Variants in MYPN observed in about 807,000 individuals in gnomAD.
MYPN encodes the protein myopalladin.
In MYPN, 63 loss-of-function variants were observed where a neutral mutation model predicts 129.4. The observed-to-expected ratio is 0.49, with a 90% CI of 0.40 to 0.60. The LOEUF is 0.60. Ranked by LOEUF, MYPN falls within the 20% of genes least tolerant of loss-of-function variation. The pLI is 0.00. For missense variants in MYPN, 1,596 were observed against 1,635.4 expected, an observed-to-expected ratio of 0.98 and a Z score of 0.42; for synonymous variants, 629 against 600.9, an observed-to-expected ratio of 1.05 and a Z score of -0.68.
chr10:68,148,331 C>A, intron 4 of MYPN, 22 bp from the exon 5 acceptor site: 1 of 1,555,604 alleles, frequency 6.4e-7, no homozygotes, highest in Non-Finnish European at 8.9e-7. Flanking sequence ...ATTTTATAAT[C>A]TATATTTTAA....
At chr10:68,126,032 A>G (rs1403940779) in intron 2 of MYPN, among the ~76,000 whole-genome samples, 1 of 152,146 alleles carries the variant, frequency 6.6e-6, no homozygotes, top group African/African-American at 2.4e-5. Flanking sequence ...CTTGGCCTGG[A>G]GTGCATGATA....
At chr10:68,161,589 T>G (rs990069371) in intron 7 of MYPN, 140 bp from the exon 8 acceptor site, 1 of 665,582 alleles carries the variant, frequency 1.5e-6, no homozygotes. Flanking sequence ...TGAGATCATC[T>G]TACTTAATAT....
chr10:68,194,056 A>C (rs1019156241), intron 13 of MYPN, among the ~76,000 whole-genome samples: 8 of 152,172 alleles, frequency 5.3e-5, no homozygotes, highest in Non-Finnish European at 1.2e-4. Context: ...TCCAGTCCTT[A>C]GGGTGGCTTT....
At chr10:68,146,945 T>C (rs2042676526) in intron 4 of MYPN, among the ~76,000 whole-genome samples, 1 of 152,190 alleles carries the variant, frequency 6.6e-6, no homozygotes, top group Non-Finnish European at 1.5e-5. Flanking sequence ...ACGGATTGGC[T>C]TTGCATTAGC....
At chr10:68,195,151 C>T (rs1006821888) in intron 14 of MYPN, among the ~76,000 whole-genome samples, 1 of 152,144 alleles carries the variant, frequency 6.6e-6, no homozygotes, top group Non-Finnish European at 1.5e-5. Flanking sequence ...TTTGGCCATG[C>T]TTTCTAAATT....
In MYPN at chr10:68,211,496, A is replaced by C; in HGVS notation, c.*1041A>C. Reference sequence around the variant, plus strand: ...AATAGCTTTGAAATGCTTTGAGATCATTGGTCAAATTGCATTTTCTATGTA... The same window carrying C: ...AATAGCTTTGAAATGCTTTGAGATCCTTGGTCAAATTGCATTTTCTATGTA... On this transcript the variant is annotated 3_prime_UTR_variant, in exon 20 of 20. Transcript: ENST00000358913. 2.2e-6 allele frequency: 1 copy of C among 454,032 alleles called. No individual in the cohort carries two copies. The highest frequency in any genetic ancestry group is 2.4e-5 in the Admixed American group (1 of 42,550). 28.1% of individuals were successfully genotyped at this position (454,032 alleles called of 1,614,324 possible). A position where few individuals can be genotyped will look rare whatever the true frequency, so the allele number is the denominator to read the frequency against.
intron 3 of MYPN, among the ~76,000 whole-genome samples, chr10:68,144,099 G>T (rs2042622967): frequency 6.6e-6 from 1 of 152,144 alleles, no homozygotes; most frequent in African/African-American, 2.4e-5. Context: ...AAAATATACT[G>T]CAGGGAGTCA....
intron 3 of MYPN, 63 bp downstream of exon 3, chr10:68,143,178 A>G (rs1379060217): frequency 1.3e-6 from 2 of 1,481,876 alleles, no homozygotes; most frequent in Non-Finnish European, 9.3e-7. Context: ...TAATAAATAA[A>G]TATTTATTGA....
At chr10:68,145,056 C>A (rs1264054362) in intron 3 of MYPN, among the ~76,000 whole-genome samples, 1 of 147,816 alleles carries the variant, frequency 6.8e-6, no homozygotes, top group Non-Finnish European at 1.5e-5. Context: ...CGGAGTTTTG[C>A]TTTTGTTGCC....
intron 1 of MYPN, among the ~76,000 whole-genome samples, chr10:68,099,072 C>T (rs1454465884): frequency 6.6e-6 from 1 of 151,966 alleles, no homozygotes; most frequent in African/African-American, 2.4e-5. Context: ...AATCTATAAC[C>T]ACCTTTTAAT....
chr10:68,177,116 T>C (rs1225207434), intron 12 of MYPN, among the ~76,000 whole-genome samples: 1 of 152,218 alleles, frequency 6.6e-6, no homozygotes, highest in Non-Finnish European at 1.5e-5. Context: ...AGATCCAGGA[T>C]ACCCCATTGC....
rs1463632812 is a variant in MYPN at position 68,210,396 on chromosome 10, G to T, written c.3904G>T (p.Glu1302Ter). 2 of 1,614,158 alleles carry T rather than the reference G, an allele frequency of 1.2e-6. No individual in the cohort carries two copies. Among genetic ancestry groups the T allele is most frequent in the Non-Finnish European group, 1.7e-6 (2 of 1,180,028 alleles). The change falls in exon 20 of 20, where the codon GAA (glutamate) becomes TAA (stop). Residue 1302 changes from glutamate to a stop codon, truncating the protein, a stop_gained. Coordinates refer to ENST00000358913, the MANE Select transcript of MYPN (RefSeq NM_032578.4). LOFTEE classifies it high-confidence loss of function. ...LDIFSAFSSMESTMVYSCSSR... is the reference protein window; with the variant it reads ...LDIFSAFSSM Reference sequence around the variant, plus strand: ...CATATTTTCTGCCTTTTCCTCCATGGAAAGCACGATGGTGTATTCATGCTC... The same window carrying T: ...CATATTTTCTGCCTTTTCCTCCATGTAAAGCACGATGGTGTATTCATGCTC...
chr10:68,136,780 T>C, intron 2 of MYPN: 2 of 1,496,582 alleles, frequency 1.3e-6, no homozygotes, highest in South Asian at 1.2e-5. Context: ...CCTATAATGT[T>C]TGTATAATGG....
chr10:68,088,333 G>A (rs140022296), intron 1 of MYPN, among the ~76,000 whole-genome samples: 12 of 152,264 alleles, frequency 7.9e-5, no homozygotes, highest in Non-Finnish European at 1.8e-4. Context: ...AAACTGCAGA[G>A]CCAAGAAGGA....
chr10:68,098,951 C>T (rs540053196), intron 1 of MYPN, among the ~76,000 whole-genome samples: 104 of 152,182 alleles, frequency 6.8e-4, no homozygotes, highest in Non-Finnish European at 1.2e-3. Flanking sequence ...ATAAAGTTCA[C>T]GAAGCAATTA....
chr10:68,170,569 T>G (rs925836201), intron 10 of MYPN, among the ~76,000 whole-genome samples: 51 of 152,194 alleles, frequency 3.4e-4, no homozygotes, highest in African/African-American at 1.2e-3. Flanking sequence ...TTCTGCTTGT[T>G]CCTTCAATTT....
At chr10:68,094,027 A>G (rs1213758708) in intron 1 of MYPN, among the ~76,000 whole-genome samples, 1 of 152,088 alleles carries the variant, frequency 6.6e-6, no homozygotes, top group African/African-American at 2.4e-5. Flanking sequence ...TAGCATGCGA[A>G]TATACTATAA....
Position 68,211,538 on chromosome 10 carries a change from G to A in MYPN, c.*1083G>A, listed in dbSNP as rs1589624526. On this transcript the variant is annotated 3_prime_UTR_variant, in exon 20 of 20. Coordinates refer to ENST00000358913, the MANE Select transcript of MYPN (RefSeq NM_032578.4). ...TTCTATGTAGAGAATATTCTGCTAG[G>A]TGGAAAAGTTGGGAGAAAGGGGAAT... 4.4e-6 allele frequency: 2 copies of A among 453,968 alleles called. No individual in the cohort carries two copies. The highest frequency in any genetic ancestry group is 4.0e-5 in the African/African-American group (2 of 49,992). 28.1% of individuals were successfully genotyped at this position (453,968 alleles called of 1,614,324 possible). A position where few individuals can be genotyped will look rare whatever the true frequency, so the allele number is the denominator to read the frequency against.
chr10:68,179,791 G>A (rs10997982), intron 12 of MYPN, among the ~76,000 whole-genome samples: 61,705 of 151,804 alleles, frequency 0.41, 13,445 homozygotes, highest in Non-Finnish European at 0.49. Flanking sequence ...CCTACCCCCA[G>A]TGGCTGGGTC....
Sources: allele counts gnomAD v4.1 joint callset (sites outside exome capture counted in the v4.1 genomes callset), GRCh38; gene constraint gnomAD v4.1.1; transcripts MANE v1.5; gene names NCBI Gene and HGNC (gene_info 2026-07-23, HGNC 2026-07-21).